Variants in TAL1 observed in about 807,000 individuals in gnomAD.
The protein encoded by TAL1 is T-cell acute lymphocytic leukemia protein 1.
In TAL1, 8 loss-of-function variants were observed where a neutral mutation model predicts 17.9. The observed-to-expected ratio is 0.45, with a 90% CI of 0.26 to 0.81. The LOEUF is 0.81. Among genes scored for constraint, TAL1 ranks in the 30% least tolerant of loss-of-function variants. The probability of loss-of-function intolerance (pLI) is 0.17; values close to 1 mark genes in which losing one functional copy is unlikely to be tolerated. For missense variants in TAL1, 466 were observed against 486.9 expected (o/e 0.96, Z 0.40); for synonymous variants, 223 against 218.6 (o/e 1.02, Z -0.18).
intron 3 of TAL1, among the ~76,000 whole-genome samples, chr1:47,222,924 C>T (rs1557676470): frequency 6.6e-6 from 1 of 152,166 alleles, no homozygotes; most frequent in Non-Finnish European, 1.5e-5. Context: ...CTGTTTGGTA[C>T]ACCCACCTCT....
At chr1:47,225,982 A>G in intron 1 of TAL1, 93 bp from the exon 3 acceptor site, 2 of 1,274,182 alleles carry the variant, frequency 1.6e-6, no homozygotes, top group Non-Finnish European at 2.1e-6. Flanking sequence ...AAGGGCAGAG[A>G]GAGGAACTCA....
chr1:47,227,118 C>T (rs1049296270), intron 1 of TAL1: 2 of 152,158 alleles, frequency 1.3e-5, no homozygotes, highest in Non-Finnish European at 2.9e-5. Flanking sequence ...CTTGTGACCC[C>T]ACAAGCATAC....
At chr1:47,225,305 A>T in intron 2 of TAL1, 138 bp downstream of exon 3, 2 of 815,118 alleles carry the variant, frequency 2.5e-6, no homozygotes, top group Non-Finnish European at 3.3e-6. Context: ...CACTGGGTTT[A>T]AAACGACCTC....
chr1:47,228,452 C>T, intron 1 of TAL1: 1 of 194,862 alleles, frequency 5.1e-6, no homozygotes, highest in Non-Finnish European at 1.1e-5. Flanking sequence ...CTTTGTACTA[C>T]GGAGACCCTG....
intron 3 of TAL1, among the ~76,000 whole-genome samples, chr1:47,220,850 G>T (rs1049008457): frequency 2.0e-5 from 3 of 152,210 alleles, no homozygotes; most frequent in African/African-American, 7.2e-5. Context: ...GAGCTTACAT[G>T]TTAATGGGGA....
chr1:47,227,313 T>C (rs1268299287), intron 1 of TAL1: 3 of 152,204 alleles, frequency 2.0e-5, no homozygotes, highest in African/African-American at 7.2e-5. Context: ...TTGTTTAAAA[T>C]AAGCTTTCTG....
exon 4 of TAL1, chr1:47,219,769 C>T (rs766270171): frequency 6.2e-7 from 1 of 1,611,334 alleles, no homozygotes; most frequent in Admixed American, 1.7e-5. Context: ...AGGATGGAGG[C>T]TGCGGGCCGT....
Position 47,222,874 on chromosome 1 carries a change from C to T in TAL1, c.541+1130G>A, listed in dbSNP as rs145389564. 2.5e-4 allele frequency among the ~76,000 whole-genome samples: 38 copies of T among 152,272 alleles called. 1 individual carries two copies. Among genetic ancestry groups the T allele is most frequent in the African/African-American group, 8.9e-4 (37 of 41,558 alleles). ...CTCTTCTGCCTATTGTAGAAAATGCCTCATCCCTGGGGAACTTCAGGGCTG... is the reference window on the plus strand; with the variant it reads ...CTCTTCTGCCTATTGTAGAAAATGCTTCATCCCTGGGGAACTTCAGGGCTG... On this transcript the variant is annotated intron_variant, in intron 3 of 3. Transcript: ENST00000294339.
chr1:47,231,744 C>T, upstream of TAL1: 1 of 233,870 alleles, frequency 4.3e-6, no homozygotes, highest in East Asian at 6.0e-5. Flanking sequence ...TCCACATCTA[C>T]ACACCCCAAC....
chr1:47,229,456 C>T (rs1643968947), exon 1 of TAL1: 1 of 177,802 alleles, frequency 5.6e-6, no homozygotes, highest in East Asian at 9.5e-5. Context: ...TGGGAATTAC[C>T]TCCTGTCCCC....
In TAL1 at chr1:47,219,897, G is replaced by GGC; in HGVS notation, c.818_819insGC (p.Gly274ProfsTer172). On this transcript the variant is annotated frameshift_variant, in exon 4 of 4. Transcript: ENST00000294339. LOFTEE classifies it high-confidence loss of function. ...GCAGGAGGTCATCTGGGGGCGCGCC[G>GGC]CCCCCTCCCCCACCTCCACCCCCAC... The GGC allele has an allele frequency of 2.5e-5, 38 of 1,506,108 alleles. No homozygotes were observed. Among genetic ancestry groups the GGC allele is most frequent in the Non-Finnish European group, 3.1e-5 (35 of 1,116,140 alleles). 93.3% of individuals were successfully genotyped at this position (1,506,108 alleles called of 1,614,324 possible).
upstream of TAL1, chr1:47,229,982 T>C (rs957000168): frequency 1.3e-5 from 2 of 152,326 alleles, no homozygotes; most frequent in South Asian, 2.1e-4. Context: ...ATATCTGATC[T>C]GTTCAGGTCC....
At chr1:47,220,866 A>G (rs1218977339) in intron 3 of TAL1, among the ~76,000 whole-genome samples, 1 of 152,222 alleles carries the variant, frequency 6.6e-6, no homozygotes, top group East Asian at 1.9e-4. Context: ...GGGGAAACGA[A>G]TATTAAAAAA....
chr1:47,216,366 T>A (rs1645494354), exon 4 of TAL1: 3 of 221,226 alleles, frequency 1.4e-5, no homozygotes, highest in Non-Finnish European at 1.8e-5. Context: ...ACCACATGGG[T>A]TTTTTTTGCT....
At chr1:47,226,441 T>C (rs769452362) in intron 1 of TAL1, among the ~76,000 whole-genome samples, 12 of 151,698 alleles carry the variant, frequency 7.9e-5, no homozygotes, top group Non-Finnish European at 1.8e-4. Context: ...CGGATGGAAG[T>C]AGGGAATTAG....
At chr1:47,223,366 C>T (rs1246641010) in intron 3 of TAL1, 1 of 152,290 alleles carries the variant, frequency 6.6e-6, no homozygotes, top group Non-Finnish European at 1.5e-5. Context: ...CCTGCAAGTT[C>T]AGGGAATATT....
chr1:47,226,068 G>T, intron 1 of TAL1, 179 bp from the exon 3 acceptor site: 1 of 479,234 alleles, frequency 2.1e-6, no homozygotes, highest in South Asian at 2.5e-5. Flanking sequence ...TGGGGCTAGG[G>T]TGGGAGGGAA....
At chr1:47,229,541 C>T (rs542155398) in exon 1 of TAL1, 1 of 170,616 alleles carries the variant, frequency 5.9e-6, no homozygotes, top group African/African-American at 2.4e-5. Context: ...TCCTCTACCC[C>T]CTCCTCCCCC....
chr1:47,230,189 G>A (rs1643986322), upstream of TAL1: 1 of 150,408 alleles, frequency 6.6e-6, no homozygotes, highest in Non-Finnish European at 1.5e-5. Flanking sequence ...GAATTCTAAT[G>A]ATTTGTTACA....
Sources: allele counts gnomAD v4.1 joint callset (sites outside exome capture counted in the v4.1 genomes callset), GRCh38; gene constraint gnomAD v4.1.1; transcripts MANE v1.5; gene names NCBI Gene and HGNC (gene_info 2026-07-23, HGNC 2026-07-21).